Variants in CIMIP4 observed in about 807,000 individuals in gnomAD.
CIMIP4 encodes the protein ciliary microtubule inner protein 4, also known as protein EAN57.
At chr22:37,003,863 C>G in the CIMIP4 span, 2 of 1,278,944 alleles carry the variant, frequency 1.6e-6, no homozygotes, top group South Asian at 1.6e-5. Context: ...GAGGCCAACA[C>G]AAGACGGAGC....
the CIMIP4 span, among the ~76,000 whole-genome samples, chr22:36,999,163 G>T: frequency 6.6e-6 from 1 of 151,810 alleles, no homozygotes; most frequent in African/African-American, 2.4e-5. Context: ...GGCAGATTAA[G>T]AACAAGAGGT....
chr22:37,000,819 G>A, the CIMIP4 span, among the ~76,000 whole-genome samples: 3 of 152,314 alleles, frequency 2.0e-5, no homozygotes, highest in South Asian at 4.1e-4. Flanking sequence ...CTCAAATTGG[G>A]ACAAGTTCCT....
chr22:37,005,077 GTGGAGCAGCCCA>G, the CIMIP4 span, among the ~76,000 whole-genome samples: 1 of 152,142 alleles, frequency 6.6e-6, no homozygotes, highest in South Asian at 2.1e-4. Flanking sequence ...GAGCTGCCCT[GTGGAGCAGCCCA>G]TGGAGCAAGA....
At chr22:37,005,489 C>A in the CIMIP4 span, among the ~76,000 whole-genome samples, 1 of 151,072 alleles carries the variant, frequency 6.6e-6, no homozygotes, top group African/African-American at 2.4e-5. Flanking sequence ...TGGAACCAAG[C>A]GGTGGTCAGA....
the CIMIP4 span, among the ~76,000 whole-genome samples, chr22:36,994,919 T>C: frequency 1.8e-4 from 28 of 152,258 alleles, no homozygotes; most frequent in African/African-American, 6.3e-4. Context: ...CGTGAGCCAC[T>C]GCGCCCGGCC....
chr22:37,002,624 C>T, the CIMIP4 span, among the ~76,000 whole-genome samples: 3 of 152,166 alleles, frequency 2.0e-5, no homozygotes, highest in Admixed American at 6.5e-5. Flanking sequence ...GCTGTGTGAC[C>T]GCAAGCAAGG....
chr22:37,003,826 A>T, the CIMIP4 span: 4 of 740,606 alleles, frequency 5.4e-6, no homozygotes, highest in Non-Finnish European at 8.0e-6. Context: ...ATGCCCCCCT[A>T]GGAAGCCTGG....
At chr22:36,992,120 G>A in the CIMIP4 span, among the ~76,000 whole-genome samples, 11 of 151,910 alleles carry the variant, frequency 7.2e-5, no homozygotes, top group African/African-American at 9.7e-5. Context: ...AGGCCAAGGC[G>A]GGTGGATCAC....
At chr22:36,991,900 A>T in the CIMIP4 span, among the ~76,000 whole-genome samples, 3 of 152,320 alleles carry the variant, frequency 2.0e-5, no homozygotes, top group South Asian at 6.2e-4. Flanking sequence ...GCAAGTGGCA[A>T]CTAATACCTG....
the CIMIP4 span, among the ~76,000 whole-genome samples, chr22:37,004,844 C>T: frequency 1.4e-4 from 21 of 152,046 alleles, no homozygotes; most frequent in Non-Finnish European, 2.8e-4. Context: ...TGCACCACCA[C>T]ATCTGGCTAA....
chr22:36,993,261 C>T, the CIMIP4 span, among the ~76,000 whole-genome samples: 1 of 151,912 alleles, frequency 6.6e-6, no homozygotes, highest in East Asian at 2.0e-4. Flanking sequence ...CCGCCCATCT[C>T]GGCCTCCCAA....
chr22:36,996,235 AT>A, the CIMIP4 span, among the ~76,000 whole-genome samples: 29,548 of 152,082 alleles, frequency 0.19, 3,286 homozygotes, highest in East Asian at 0.53. Context: ...CATATGTTAA[AT>A]ACTATGCATA....
At chr22:36,995,069 A>G in the CIMIP4 span, among the ~76,000 whole-genome samples, 1 of 152,224 alleles carries the variant, frequency 6.6e-6, no homozygotes, top group African/African-American at 2.4e-5. Flanking sequence ...TCAAGCTGGG[A>G]GATGGAATCC....
chr22:37,002,086 G>A, the CIMIP4 span: 1 of 1,595,684 alleles, frequency 6.3e-7, no homozygotes, highest in Non-Finnish European at 8.5e-7. Context: ...GAGAATCCCT[G>A]CTGGCAGCAG....
chr22:37,005,396 G>C, the CIMIP4 span, among the ~76,000 whole-genome samples: 1 of 152,122 alleles, frequency 6.6e-6, no homozygotes, highest in African/African-American at 2.4e-5. Flanking sequence ...CATTTGTTAC[G>C]CAGCAATACA....
chr22:36,998,932 A>C, the CIMIP4 span, among the ~76,000 whole-genome samples: 1 of 152,112 alleles, frequency 6.6e-6, no homozygotes, highest in Non-Finnish European at 1.5e-5. Flanking sequence ...ATGACCCAGC[A>C]AGGGCCATAC....
chr22:37,000,815 T>G, the CIMIP4 span, among the ~76,000 whole-genome samples: 7 of 152,112 alleles, frequency 4.6e-5, no homozygotes, highest in African/African-American at 1.4e-4. Context: ...CAACCTCAAA[T>G]TGGGACAAGT....
At chr22:36,992,689 T>C in the CIMIP4 span, among the ~76,000 whole-genome samples, 2 of 151,804 alleles carry the variant, frequency 1.3e-5, no homozygotes, top group Non-Finnish European at 2.9e-5. Flanking sequence ...AGCTTGAAAA[T>C]TGCCATCATA....
the CIMIP4 span, chr22:36,999,829 T>C: frequency 6.2e-7 from 1 of 1,610,102 alleles, no homozygotes; most frequent in Non-Finnish European, 8.5e-7. Context: ...ACCCTTGCCC[T>C]TTGACTTGAC....
Sources: allele counts gnomAD v4.1 joint callset (sites outside exome capture counted in the v4.1 genomes callset), GRCh38; gene constraint gnomAD v4.1.1; transcripts MANE v1.5; gene names NCBI Gene and HGNC (gene_info 2026-07-23, HGNC 2026-07-21).